ZNF503: variants seen among roughly 807,000 people sequenced by gnomAD.
ZNF503 encodes NocA-like zinc finger 2.
In ZNF503, 15 loss-of-function variants were observed where a neutral mutation model predicts 34.4. That is an observed-to-expected ratio of 0.44 (90% CI 0.29 to 0.67). ZNF503 has a LOEUF of 0.67. Ranked by LOEUF, ZNF503 falls within the 30% of genes least tolerant of loss-of-function variation. ZNF503 has a pLI of 0.13. For synonymous variants in ZNF503, 580 were observed against 456.8 expected, an observed-to-expected ratio of 1.27 and a Z score of -3.44; for missense variants, 1,007 against 926.8, an observed-to-expected ratio of 1.09 and a Z score of -1.12.
At chr10:75,286,965 G>T in the ZNF503 span, among the ~76,000 whole-genome samples, 5 of 152,178 alleles carry the variant, frequency 3.3e-5, no homozygotes, top group African/African-American at 1.2e-4. Context: ...CTGGGAGTGA[G>T]GTGTGATCCT....
chr10:75,292,826 G>C, the ZNF503 span, among the ~76,000 whole-genome samples: 1 of 152,182 alleles, frequency 6.6e-6, no homozygotes, highest in Non-Finnish European at 1.5e-5. Context: ...GTCTCCCTGG[G>C]ATCTCGTGTC....
chr10:75,376,118 C>T, the ZNF503 span, among the ~76,000 whole-genome samples: 6 of 152,170 alleles, frequency 3.9e-5, no homozygotes, highest in Non-Finnish European at 8.8e-5. Flanking sequence ...GCCTGCTTTG[C>T]TCACTTGCTC....
the ZNF503 span, among the ~76,000 whole-genome samples, chr10:75,292,022 T>G: frequency 5.9e-5 from 9 of 152,118 alleles, no homozygotes; most frequent in African/African-American, 1.9e-4. Flanking sequence ...GAAGTACCAT[T>G]ACTGACAGGC....
chr10:75,401,115 C>T lies in ZNF503; in HGVS notation c.305G>A (p.Ser102Asn), dbSNP rs1448420797. Residue 102 changes from serine to asparagine, a missense_variant, in exon 1 of 2, where the codon AGC becomes AAC. Ser to Asn is a conservative substitution (Grantham distance 46, BLOSUM62 1). Coordinates refer to ENST00000372524, the MANE Select transcript of ZNF503 (RefSeq NM_032772.6). ...AGAGAGGGTCCTTACCTCGATGGGG[C>T]TGACCGGCGTGGAAGGCAGGGGCTG... is the stretch of plus-strand genomic sequence containing the variant. ...YLQPLPSTPV[S>N]PIELDAKKSP... is the part of the protein sequence containing the mutation. 1 of 1,613,406 alleles carries T rather than the reference C, an allele frequency of 6.2e-7. No individual in the cohort carries two copies. The highest frequency in any genetic ancestry group is 8.5e-7 in the Non-Finnish European group (1 of 1,179,786).
At chr10:75,336,710 G>A in the ZNF503 span, among the ~76,000 whole-genome samples, 3 of 152,136 alleles carry the variant, frequency 2.0e-5, no homozygotes, top group African/African-American at 4.8e-5. Flanking sequence ...GATCTTCTTG[G>A]AGGCTCTGGG....
chr10:75,331,539 C>T, the ZNF503 span, among the ~76,000 whole-genome samples: 1 of 152,190 alleles, frequency 6.6e-6, no homozygotes, highest in Non-Finnish European at 1.5e-5. Context: ...GCCTTGAATT[C>T]CTGGGCTCAA....
the ZNF503 span, among the ~76,000 whole-genome samples, chr10:75,379,521 C>T: frequency 7.2e-5 from 11 of 152,192 alleles, no homozygotes; most frequent in Non-Finnish European, 1.3e-4. Flanking sequence ...TCCCACATTC[C>T]ATGTCACAAT....
the ZNF503 span, among the ~76,000 whole-genome samples, chr10:75,333,086 CG>C: frequency 6.9e-6 from 1 of 144,370 alleles, no homozygotes; most frequent in African/African-American, 2.6e-5. Context: ...CCAGACGGGG[CG>C]GCTGGCCGGG....
chr10:75,401,033 C>G (rs752470031), intron 1 of ZNF503, 72 bp downstream of exon 1: 1 of 1,600,028 alleles, frequency 6.2e-7, no homozygotes, highest in Admixed American at 1.7e-5. Flanking sequence ...CGCCCAGATC[C>G]CGAGAAAAAG....
the ZNF503 span, among the ~76,000 whole-genome samples, chr10:75,351,708 C>T: frequency 6.6e-6 from 1 of 152,152 alleles, no homozygotes; most frequent in Non-Finnish European, 1.5e-5. Context: ...ACTCTTTATT[C>T]CTCATCTTCC....
chr10:75,329,377 T>C, the ZNF503 span, among the ~76,000 whole-genome samples: 3 of 117,298 alleles, frequency 2.6e-5, no homozygotes, highest in African/African-American at 1.3e-4. Flanking sequence ...ACAGCTTCTT[T>C]CTTTCTTCCT....
chr10:75,347,798 A>T, the ZNF503 span, among the ~76,000 whole-genome samples: 7 of 152,342 alleles, frequency 4.6e-5, no homozygotes, highest in Admixed American at 3.3e-4. Context: ...AAATAATGAG[A>T]TCAAGAAATA....
chr10:75,401,258 C>A lies in ZNF503; in HGVS notation c.162G>T (p.Lys54Asn). 1 of 1,602,038 alleles carries A rather than the reference C, an allele frequency of 6.2e-7. No homozygotes were observed. The highest frequency in any genetic ancestry group is 8.5e-7 in the Non-Finnish European group (1 of 1,175,048). Residue 54 changes from lysine to asparagine, a missense_variant, in exon 1 of 2, where the codon AAG becomes AAT. Lys to Asn is a moderately conservative substitution (Grantham distance 94). Transcript: ENST00000372524. ...GPGSSPAGST[K>N]PFVHAVPPSD... ...AGGGGGGCACGGCGTGCACAAAAGG[C>A]TTGGTGCTGCCGGCCGGGGACGAGC...
At chr10:75,375,338 G>T in the ZNF503 span, among the ~76,000 whole-genome samples, 1 of 151,970 alleles carries the variant, frequency 6.6e-6, no homozygotes, top group African/African-American at 2.4e-5. Context: ...AGCCAGGATG[G>T]TCTTGATCTC....
chr10:75,331,381 C>A, the ZNF503 span, among the ~76,000 whole-genome samples: 4 of 152,172 alleles, frequency 2.6e-5, no homozygotes, highest in African/African-American at 7.2e-5. Flanking sequence ...ATGATTTGTC[C>A]AATGCTAAGT....
Position 75,399,655 on chromosome 10 carries a change from C to G in ZNF503, c.1035G>C (p.Pro345=), listed in dbSNP as rs1370800322. ...GAGGCAGAGGGAACACTGTCTGGCC[C>G]GGCTTGTAGGGTGACACGGGAGCCA... The part of the protein sequence containing the change: ...GLVAPVSPYK[P]GQTVFPLPPA... Residue 345 remains proline (P), a synonymous_variant, in exon 2 of 2, where the codon CCG becomes CCC. Transcript: ENST00000372524. 1 of 1,599,296 alleles carries G rather than the reference C, an allele frequency of 6.3e-7. No individual in the cohort carries two copies. The highest frequency in any genetic ancestry group is 1.3e-5 in the African/African-American group (1 of 74,890).
At chr10:75,396,334 G>T (rs891586755), downstream of ZNF503, among the ~76,000 whole-genome samples, 11 of 152,160 alleles carry the variant, frequency 7.2e-5, no homozygotes, top group Admixed American at 2.0e-4. The surrounding 1 kb of genome is among the most constrained non-coding windows in gnomAD (Gnocchi z 4.4). Flanking sequence ...GCGACGTCCG[G>T]ACATCAGGGT....
the ZNF503 span, among the ~76,000 whole-genome samples, chr10:75,297,879 C>T: frequency 6.6e-6 from 1 of 152,212 alleles, no homozygotes; most frequent in East Asian, 1.9e-4. Context: ...GATACATTCT[C>T]ATCCCAGCTT....
chr10:75,399,020 C>G lies in ZNF503; in HGVS notation c.1670G>C (p.Ser557Thr), dbSNP rs111641846. The change falls in exon 2 of 2, where the codon AGC (serine) becomes ACC (threonine). Residue 557 changes from serine to threonine, a missense_variant. Coordinates refer to ENST00000372524, the MANE Select transcript of ZNF503 (RefSeq NM_032772.6). ...GGCAGCGCTGGCCAGAGACGACGAG[C>G]TGGGGTAGCCCGACAGCAGTTTGTC... ...GTDKLLSGYP[S>T]SSSLASAAAA... 72 of 1,610,430 alleles carry G rather than the reference C, an allele frequency of 4.5e-5. No individual in the cohort carries two copies. In the African/African-American group the frequency reaches 7.1e-4, roughly 16 times the overall value.
Sources: allele counts gnomAD v4.1 joint callset (sites outside exome capture counted in the v4.1 genomes callset), GRCh38; gene constraint gnomAD v4.1.1; non-coding constraint Gnocchi (gnomAD v3.1); transcripts MANE v1.5; gene names NCBI Gene and HGNC (gene_info 2026-07-23, HGNC 2026-07-21).